Variants in PITPNB observed in about 807,000 individuals in gnomAD.
PITPNB encodes the protein phosphatidylinositol transfer protein beta isoform.
PITPNB carries 16 observed loss-of-function variants against 45.9 expected under a neutral mutation model. The observed-to-expected ratio is 0.35, with a 90% CI of 0.24 to 0.53. The LOEUF is 0.53. PITPNB is among the 20% of genes least tolerant of loss of function. PITPNB has a pLI of 0.93. For synonymous variants in PITPNB, 112 were observed against 108.9 expected, an observed-to-expected ratio of 1.03 and a Z score of -0.18; for missense variants, 188 against 330.5, an observed-to-expected ratio of 0.57 and a Z score of 3.34.
At chr22:27,907,013 G>C (rs1935782446) in intron 3 of PITPNB, among the ~76,000 whole-genome samples, 1 of 152,220 alleles carries the variant, frequency 6.6e-6, no homozygotes, top group African/African-American at 2.4e-5. Context: ...GTAGATCTCA[G>C]AATTTCAAGT....
intron 3 of PITPNB, among the ~76,000 whole-genome samples, chr22:27,901,661 A>G (rs1249489568): frequency 1.3e-5 from 2 of 152,120 alleles, no homozygotes; most frequent in Non-Finnish European, 2.9e-5. Flanking sequence ...AGGTGGGAGG[A>G]TCACCTGAGG....
chr22:27,893,003 T>C (rs536813770), intron 7 of PITPNB, among the ~76,000 whole-genome samples: 5 of 152,314 alleles, frequency 3.3e-5, no homozygotes, highest in African/African-American at 1.2e-4. Flanking sequence ...CATTTAGCGT[T>C]TGACTTATTT....
At chr22:27,895,159 G>C (rs1312741091) in intron 6 of PITPNB, among the ~76,000 whole-genome samples, 1 of 152,200 alleles carries the variant, frequency 6.6e-6, no homozygotes, top group Non-Finnish European at 1.5e-5. Flanking sequence ...AATGCCATCT[G>C]TGAACTAATT....
chr22:27,873,748 G>A lies in PITPNB; in HGVS notation c.524C>T (p.Pro175Leu). The A allele has an allele frequency of 6.2e-7, 1 of 1,606,350 alleles. No individual in the cohort carries two copies. Among genetic ancestry groups the A allele is most frequent in the Non-Finnish European group, 8.5e-7 (1 of 1,172,994 alleles). The change falls in exon 8 of 12, where the codon CCC becomes CTC. Residue 175 changes from proline (P) to leucine (L), a missense_variant. Coordinates refer to ENST00000335272, the MANE Select transcript of PITPNB (RefSeq NM_012399.5). The stretch of plus-strand genomic sequence containing the variant: ...GTCAGCATCCAGTACCTTCCAGTTG[G>A]GTCCCAAAGGGCCTCTCTTGGTCTT... The part of the protein sequence containing the change: ...SVKTKRGPLG[P>L]NWKKELANSP...
chr22:27,860,695 G>A (rs1934302207), intron 8 of PITPNB: 1 of 153,312 alleles, frequency 6.5e-6, no homozygotes, highest in Non-Finnish European at 1.5e-5. Context: ...TATTAACTGA[G>A]GTATTTTCAA....
At chr22:27,859,759 G>A (rs1934267411) in intron 9 of PITPNB, among the ~76,000 whole-genome samples, 1 of 152,202 alleles carries the variant, frequency 6.6e-6, no homozygotes, top group Non-Finnish European at 1.5e-5. Context: ...GGGTCCAGCT[G>A]AGATGGGGCA....
At chr22:27,873,934 G>T in intron 7 of PITPNB, 119 bp from the exon 8 acceptor site, 1 of 659,974 alleles carries the variant, frequency 1.5e-6, no homozygotes, top group Non-Finnish European at 2.7e-6. Context: ...GACTCACTGT[G>T]CTTTTGCGTA....
intron 10 of PITPNB, among the ~76,000 whole-genome samples, chr22:27,858,046 T>A (rs1416255689): frequency 1.3e-5 from 2 of 152,218 alleles, no homozygotes; most frequent in Non-Finnish European, 2.9e-5. Flanking sequence ...AAAAGCAACT[T>A]AGTCTGACAA....
At chr22:27,864,232 G>A (rs1349768814) in intron 8 of PITPNB, among the ~76,000 whole-genome samples, 1 of 152,062 alleles carries the variant, frequency 6.6e-6, no homozygotes, top group Non-Finnish European at 1.5e-5. Context: ...AATGATTTGT[G>A]GGAGTCATCT....
intron 7 of PITPNB, among the ~76,000 whole-genome samples, chr22:27,890,862 T>C (rs1569022850): frequency 6.6e-6 from 1 of 152,114 alleles, no homozygotes; most frequent in Non-Finnish European, 1.5e-5. Context: ...CAAAATGTGG[T>C]CTATCCATAC....
intron 8 of PITPNB, among the ~76,000 whole-genome samples, chr22:27,861,143 C>A (rs1934319335): frequency 1.3e-5 from 2 of 151,774 alleles, no homozygotes; most frequent in African/African-American, 4.8e-5. Context: ...CCAGCCTGGC[C>A]AACATGGTGA....
intron 7 of PITPNB, among the ~76,000 whole-genome samples, chr22:27,892,217 G>C (rs1935299878): frequency 6.6e-6 from 1 of 152,174 alleles, no homozygotes; most frequent in Non-Finnish European, 1.5e-5. Context: ...CCTCTCTGAA[G>C]TCTGTGCTGA....
intron 7 of PITPNB, among the ~76,000 whole-genome samples, chr22:27,891,319 C>T (rs1332685801): frequency 6.6e-6 from 1 of 152,164 alleles, no homozygotes; most frequent in Non-Finnish European, 1.5e-5. Flanking sequence ...ATCTCTAAAA[C>T]GTAATGGGAA....
chr22:27,856,932 C>T (rs1375723486), intron 10 of PITPNB, among the ~76,000 whole-genome samples: 3 of 152,128 alleles, frequency 2.0e-5, no homozygotes, highest in Non-Finnish European at 2.9e-5. Flanking sequence ...CAGAGAAAGG[C>T]ACCTGACTCT....
At chr22:27,893,784 T>C (rs538109654) in intron 7 of PITPNB, among the ~76,000 whole-genome samples, 3 of 152,112 alleles carry the variant, frequency 2.0e-5, no homozygotes, top group East Asian at 1.9e-4. Flanking sequence ...AGAGACAGGA[T>C]CTCACTATGT....
chr22:27,853,580 G>T lies in PITPNB; in HGVS notation c.*122C>A. ...CATCACAAGCACACATCTGGGAAAC[G>T]TCAACACTGCAAGATACTGGTCAGA... On this transcript the variant is annotated 3_prime_UTR_variant, in exon 12 of 12. Transcript: ENST00000335272. 1 of 1,531,290 alleles carries T rather than the reference G, an allele frequency of 6.5e-7. No homozygotes were observed. Among genetic ancestry groups the T allele is most frequent in the Non-Finnish European group, 8.9e-7 (1 of 1,129,076 alleles). 94.9% of individuals were successfully genotyped at this position (1,531,290 alleles called of 1,614,324 possible). A position where few individuals can be genotyped will look rare whatever the true frequency, so the allele number is the denominator to read the frequency against.
chr22:27,910,083 T>C (rs1372242122), intron 3 of PITPNB, among the ~76,000 whole-genome samples: 1 of 151,966 alleles, frequency 6.6e-6, no homozygotes, highest in Non-Finnish European at 1.5e-5. Context: ...CCCAAGTAGC[T>C]GGGACTATAG....
At chr22:27,875,467 A>G (rs1343982338) in intron 7 of PITPNB, among the ~76,000 whole-genome samples, 4 of 152,248 alleles carry the variant, frequency 2.6e-5, no homozygotes, top group Admixed American at 1.3e-4. Flanking sequence ...CTAAAAATGA[A>G]TAACTCCACT....
At chr22:27,897,948 A>G in intron 3 of PITPNB, 56 bp from the exon 4 acceptor site, 2 of 1,207,776 alleles carry the variant, frequency 1.7e-6, no homozygotes, top group South Asian at 1.2e-5. Context: ...CTTTCTTGGT[A>G]TCTATCCAAC....
Sources: gnomAD v4.1 joint callset for allele counts (sites outside exome capture counted in the v4.1 genomes callset) on GRCh38, gnomAD v4.1.1 for gene constraint, MANE v1.5 for transcripts, NCBI Gene and HGNC (gene_info 2026-07-23, HGNC 2026-07-21) for gene names.